The following TRAP1 variants were observed in gnomAD, a reference collection of about 807,000 sequenced individuals.
TRAP1 encodes the protein TNF receptor associated protein 1.
Under a neutral mutation model 89.1 loss-of-function variants are expected in TRAP1, and 102 were observed. That is an observed-to-expected ratio of 1.15 (90% CI 0.98 to 1.35). The LOEUF (loss-of-function observed/expected upper bound fraction) is 1.35, where lower values mean the gene tolerates loss of function less well. Among genes scored for constraint, TRAP1 ranks in the 40% most tolerant of loss-of-function variants. The pLI is 0.00. For missense variants in TRAP1, 1,256 were observed against 945.3 expected (o/e 1.33, Z -4.31); for synonymous variants, 508 against 388.0 (o/e 1.31, Z -3.64).
At chr16:3,683,035 G>A (rs1175408590) in intron 4 of TRAP1, among the ~76,000 whole-genome samples, 1 of 152,044 alleles carries the variant, frequency 6.6e-6, no homozygotes, top group Non-Finnish European at 1.5e-5. Flanking sequence ...AGGCATGGTG[G>A]CACATACCTG....
Position 3,672,867 on chromosome 16 carries a change from G to A in TRAP1, c.1045-47C>T, listed in dbSNP as rs754147164. 17 of 1,572,796 alleles carry A rather than the reference G, an allele frequency of 1.1e-5. No individual in the cohort carries two copies. In the South Asian group the frequency reaches 2.0e-4, roughly 18 times the overall value. On this transcript the variant is annotated intron_variant, in intron 9 of 17. Coordinates refer to ENST00000246957, the MANE Select transcript of TRAP1 (RefSeq NM_016292.3). ...CATCATGCAGCACTGACCCTCCCCA[G>A]GCAGGCCCTGGCTGGGAGGTGGGGG...
intron 1 of TRAP1, among the ~76,000 whole-genome samples, chr16:3,696,552 T>C: frequency 6.6e-6 from 1 of 152,148 alleles, no homozygotes; most frequent in East Asian, 1.9e-4. Context: ...AATAACTGGC[T>C]GGTGTAAGTT....
At position 3,677,561 on chromosome 16, in the gene TRAP1, C is replaced by G; in HGVS notation, c.641G>C (p.Arg214Thr). The stretch of plus-strand genomic sequence containing the variant: ...TGCCGAGCGGGAATAGACCTCCACT[C>G]TGTCAGCCACCATGAAAGCTGAGTA... ...GFYSAFMVAD[R>T]VEVYSRSAAP... Residue 214 changes from arginine to threonine, a missense_variant, in exon 6 of 18, where the codon AGA becomes ACA. Transcript: ENST00000246957. 1 of 1,614,202 alleles carries G rather than the reference C, an allele frequency of 6.2e-7. No individual in the cohort carries two copies. The highest frequency in any genetic ancestry group is 1.3e-5 in the African/African-American group (1 of 75,062).
intron 1 of TRAP1, among the ~76,000 whole-genome samples, chr16:3,702,407 G>C (rs2051378504): frequency 6.6e-6 from 1 of 151,766 alleles, no homozygotes; most frequent in African/African-American, 2.4e-5. Context: ...CTGGGAAGAA[G>C]TTTTTTGAGA....
rs147361254 is a variant in TRAP1, at chr16:3,689,451, A to C, written c.248-314T>G. Reference sequence around the variant, plus strand: ...AGTAGAGACGGGGTTTTACCATGTTAGCCAGGATAGCCTCGATCTCCTGAC... The same window carrying C: ...AGTAGAGACGGGGTTTTACCATGTTCGCCAGGATAGCCTCGATCTCCTGAC... On this transcript the variant is annotated intron_variant, in intron 2 of 17. Coordinates refer to ENST00000246957, the MANE Select transcript of TRAP1 (RefSeq NM_016292.3). Among the ~76,000 whole-genome samples, 472 of 152,192 alleles carry C rather than the reference A, an allele frequency of 3.1e-3. 1 individual carries two copies. The highest frequency in any genetic ancestry group is 0.011 in the African/African-American group (437 of 41,528).
At chr16:3,681,644 G>C (rs1026092640) in intron 4 of TRAP1, among the ~76,000 whole-genome samples, 1 of 152,082 alleles carries the variant, frequency 6.6e-6, no homozygotes, top group Non-Finnish European at 1.5e-5. Context: ...TTAGTATCTA[G>C]TTGATATCAG....
chr16:3,658,097 C>A lies in TRAP1; in HGVS notation c.*32G>T. The A allele has an allele frequency of 6.2e-7, 1 of 1,611,842 alleles. No individual in the cohort carries two copies. The highest frequency in any genetic ancestry group is 1.1e-5 in the South Asian group (1 of 90,980). On this transcript the variant is annotated 3_prime_UTR_variant, in exon 18 of 18. Transcript: ENST00000246957. ...AAGCTCAAGGAGGTGGGGCTGTCAT[C>A]TGTGGTGTCAGTCCTTCTGGCCCCC...
At chr16:3,673,360 G>A (rs2050941644) in intron 9 of TRAP1, among the ~76,000 whole-genome samples, 1 of 152,316 alleles carries the variant, frequency 6.6e-6, no homozygotes, top group South Asian at 2.1e-4. Context: ...TAGTGGCTAC[G>A]AAAGACACCG....
At chr16:3,701,650 C>T (rs1425594071) in intron 1 of TRAP1, among the ~76,000 whole-genome samples, 1 of 151,858 alleles carries the variant, frequency 6.6e-6, no homozygotes, top group African/African-American at 2.4e-5. Context: ...GAAGGAGCAC[C>T]AAACTATATA....
At chr16:3,678,481 T>C (rs2051030219) in intron 5 of TRAP1, 1 of 151,924 alleles carries the variant, frequency 6.6e-6, no homozygotes, top group African/African-American at 2.4e-5. Context: ...TTGTTGTTTT[T>C]GAGATGGAGT....
chr16:3,674,237 T>C, intron 9 of TRAP1, 102 bp downstream of exon 9: 1 of 1,471,914 alleles, frequency 6.8e-7, no homozygotes, highest in East Asian at 2.3e-5. Context: ...ATGTTTTTCA[T>C]GCCCTCACAC....
At chr16:3,665,720 C>T (rs1425079192) in intron 12 of TRAP1, among the ~76,000 whole-genome samples, 4 of 152,222 alleles carry the variant, frequency 2.6e-5, no homozygotes, top group Non-Finnish European at 5.9e-5. Context: ...CCCTGGGCTG[C>T]ACCTTCACAC....
In TRAP1 at chr16:3,695,901, A is replaced by G. The variant is rs75744283; in HGVS notation, c.89-4916T>C. ...AAGTCACTGATAAGGAAGGGGCAGG[A>G]ATAAACCCTGCGGGGCGGCACTGGA... is the stretch of plus-strand genomic sequence containing the variant. On this transcript the variant is annotated intron_variant, in intron 1 of 17. Transcript: ENST00000246957. 1.6e-4 allele frequency among the ~76,000 whole-genome samples: 24 copies of G among 152,298 alleles called. No individual in the cohort carries two copies. In the East Asian group the frequency reaches 4.4e-3, roughly 28 times the overall value.
At chr16:3,703,987 C>T (rs985774269) in intron 1 of TRAP1, among the ~76,000 whole-genome samples, 3 of 150,416 alleles carry the variant, frequency 2.0e-5, no homozygotes, top group African/African-American at 7.4e-5. Context: ...TGCACTCCAG[C>T]CTGGGCGACA....
Position 3,686,004 on chromosome 16 carries a change from T to C in TRAP1, c.463A>G (p.Thr155Ala), listed in dbSNP as rs531905686. Residue 155 changes from threonine to alanine, a missense_variant, in exon 4 of 18, where the codon ACC becomes GCC. Coordinates refer to ENST00000246957, the MANE Select transcript of TRAP1 (RefSeq NM_016292.3). ...LQTNAEKGTI[T>A]IQDTGIGMTQ... Reference sequence around the variant, plus strand: ...GACACTGAGGGAGGTACCTGGATGGTGATGGTGCCTTTCTCGGCATTGGTC... The same window carrying C: ...GACACTGAGGGAGGTACCTGGATGGCGATGGTGCCTTTCTCGGCATTGGTC... The C allele has an allele frequency of 1.2e-6, 2 of 1,613,882 alleles. No individual in the cohort carries two copies. The highest frequency in any genetic ancestry group is 1.3e-5 in the African/African-American group (1 of 75,028).
chr16:3,689,141 G>T lies in TRAP1; in HGVS notation c.248-4C>A. ...AACTCATGTTTGGAAGTGGAACCTA[G>T]TAATGAAACACAGACACAACCAACA... On this transcript the variant is annotated splice_polypyrimidine_tract_variant and splice_region_variant and intron_variant, in intron 2 of 17. Transcript: ENST00000246957. 1.2e-6 allele frequency: 2 copies of T among 1,609,444 alleles called. No individual in the cohort carries two copies. The highest frequency in any genetic ancestry group is 1.7e-6 in the Non-Finnish European group (2 of 1,177,028).
At chr16:3,704,073 G>A (rs927267851) in intron 1 of TRAP1, 3 of 152,000 alleles carry the variant, frequency 2.0e-5, no homozygotes, top group Non-Finnish European at 2.9e-5. Context: ...GGCCAGGTGA[G>A]GTGCCTCACG....
chr16:3,705,213 C>A (rs910170593), intron 1 of TRAP1, among the ~76,000 whole-genome samples: 2 of 151,736 alleles, frequency 1.3e-5, no homozygotes, highest in Non-Finnish European at 2.9e-5. Context: ...TACAGGCGCC[C>A]GCCACCACAC....
At chr16:3,687,798 A>G (rs578258076) in intron 3 of TRAP1, among the ~76,000 whole-genome samples, 1 of 150,478 alleles carries the variant, frequency 6.6e-6, no homozygotes, top group Non-Finnish European at 1.5e-5. Context: ...CAGCGAGCCG[A>G]GATCATACCA....
Sources: gnomAD v4.1 joint callset for allele counts (sites outside exome capture counted in the v4.1 genomes callset) on GRCh38, gnomAD v4.1.1 for gene constraint, MANE v1.5 for transcripts, NCBI Gene and HGNC (gene_info 2026-07-23, HGNC 2026-07-21) for gene names.